The following JARID2 variants were observed in gnomAD, a reference collection of about 807,000 sequenced individuals.
JARID2 encodes the protein jumonji and AT-rich interaction domain containing 2, also known as protein Jumonji.
JARID2 carries 21 observed loss-of-function variants against 125.6 expected under a neutral mutation model. The observed-to-expected ratio is 0.17, with a 90% CI of 0.12 to 0.24. The LOEUF (loss-of-function observed/expected upper bound fraction) is 0.24. JARID2 is among the 10% of genes least tolerant of loss of function. JARID2 has a pLI of 1.00. For synonymous variants in JARID2, 736 were observed against 661.6 expected (o/e 1.11, Z -1.73); for missense variants, 1,303 against 1,639.6 (o/e 0.79, Z 3.55).
chr6:15,280,998 T>G (rs1164004325), intron 1 of JARID2, among the ~76,000 whole-genome samples: 1 of 152,180 alleles, frequency 6.6e-6, no homozygotes, highest in African/African-American at 2.4e-5. Context: ...CTTGCGTTAT[T>G]ACTAGCTAGG....
At chr6:15,421,835 T>TG (rs1338335811) in intron 3 of JARID2, among the ~76,000 whole-genome samples, 1 of 152,088 alleles carries the variant, frequency 6.6e-6, no homozygotes, top group Non-Finnish European at 1.5e-5. Context: ...TGAGCTGTAC[T>TG]GGGGGTGGGG....
At chr6:15,322,034 G>A (rs927780312) in intron 1 of JARID2, among the ~76,000 whole-genome samples, 1 of 151,892 alleles carries the variant, frequency 6.6e-6, no homozygotes, top group Non-Finnish European at 1.5e-5. Context: ...TTCGTTGTTC[G>A]CCTGCCTCCC....
chr6:15,366,510 G>A (rs1763980036), intron 1 of JARID2, among the ~76,000 whole-genome samples: 6 of 125,884 alleles, frequency 4.8e-5, no homozygotes, highest in Non-Finnish European at 3.3e-5. Flanking sequence ...GGTGGGGGGC[G>A]GGGGGGGCGG....
At chr6:15,298,559 A>T (rs1220305959) in intron 1 of JARID2, among the ~76,000 whole-genome samples, 2 of 151,964 alleles carry the variant, frequency 1.3e-5, no homozygotes, top group Non-Finnish European at 2.9e-5. Flanking sequence ...GCATGCCTCT[A>T]GTCCCAGCTA....
chr6:15,350,032 C>G lies in JARID2; in HGVS notation c.46-24085C>G, dbSNP rs550656802. Among the ~76,000 whole-genome samples, 4 of 152,206 alleles carry G rather than the reference C, an allele frequency of 2.6e-5. No homozygotes were observed. In the East Asian group the frequency reaches 7.7e-4, roughly 29 times the overall value. On this transcript the variant is annotated intron_variant, in intron 1 of 17. Transcript: ENST00000341776. The stretch of plus-strand genomic sequence containing the variant: ...ACAGAGATGGGTTGAGTGGAAGTAG[C>G]TGGGCCCACCATGTCCTGGATCTTA...
chr6:15,507,100 T>G, intron 9 of JARID2, 36 bp from the exon 10 acceptor site: 2 of 1,339,708 alleles, frequency 1.5e-6, no homozygotes, highest in South Asian at 1.2e-5. Flanking sequence ...TGCAGCACCT[T>G]AGGGGTGCTG....
At chr6:15,253,647 G>C (rs994432228) in intron 1 of JARID2, among the ~76,000 whole-genome samples, 1 of 151,890 alleles carries the variant, frequency 6.6e-6, no homozygotes, top group African/African-American at 2.4e-5. Context: ...ACCACAGTTT[G>C]TCTTGCCACA....
intron 2 of JARID2, among the ~76,000 whole-genome samples, chr6:15,387,552 C>A (rs1226324517): frequency 2.0e-5 from 3 of 152,194 alleles, no homozygotes; most frequent in South Asian, 2.1e-4. Context: ...TTCTCATGGA[C>A]CTTAGGGGTT....
intron 9 of JARID2, among the ~76,000 whole-genome samples, chr6:15,506,758 C>G (rs906819079): frequency 2.6e-5 from 4 of 152,188 alleles, no homozygotes; most frequent in African/African-American, 9.7e-5. Flanking sequence ...ATAATGTCCT[C>G]CAGGTTCATC....
rs1759180000 is a variant in JARID2 at position 15,246,233 on chromosome 6, A to G, written c.-307A>G. On this transcript the variant is annotated 5_prime_UTR_variant, in exon 1 of 18. Coordinates refer to ENST00000341776, the MANE Select transcript of JARID2 (RefSeq NM_004973.4). ...TTGGAGGAAAAAGGGGGGGGAGTGA[A>G]GGGCGTCGGTTTTTTTTTGTGTGTG... 2.1e-6 allele frequency: 1 copy of G among 465,790 alleles called. No homozygotes were observed. The highest frequency in any genetic ancestry group is 2.0e-5 in the African/African-American group (1 of 48,910). 28.9% of individuals were successfully genotyped at this position (465,790 alleles called of 1,614,324 possible).
intron 7 of JARID2, among the ~76,000 whole-genome samples, chr6:15,498,427 C>G (rs1480432899): frequency 6.6e-6 from 1 of 152,184 alleles, no homozygotes; most frequent in Admixed American, 6.5e-5. Flanking sequence ...CTGTCATCCT[C>G]TCTTCAGTCC....
chr6:15,431,521 T>C (rs1158348422), intron 3 of JARID2, among the ~76,000 whole-genome samples: 1 of 152,232 alleles, frequency 6.6e-6, no homozygotes, highest in Admixed American at 6.5e-5. Flanking sequence ...CCTTCTGTGT[T>C]GCTGTTACCA....
At chr6:15,289,932 C>T (rs1761143911) in intron 1 of JARID2, among the ~76,000 whole-genome samples, 1 of 152,226 alleles carries the variant, frequency 6.6e-6, no homozygotes, top group African/African-American at 2.4e-5. Context: ...GTACAAGTCA[C>T]TAAACCACTT....
chr6:15,476,729 C>T (rs1769358418), intron 5 of JARID2, among the ~76,000 whole-genome samples: 1 of 152,208 alleles, frequency 6.6e-6, no homozygotes, highest in Non-Finnish European at 1.5e-5. Flanking sequence ...CTTCCATATA[C>T]AGAATCTCAA....
At chr6:15,505,853 G>A (rs993127923) in intron 9 of JARID2, among the ~76,000 whole-genome samples, 8 of 152,258 alleles carry the variant, frequency 5.3e-5, no homozygotes, top group Admixed American at 2.0e-4. Flanking sequence ...TCCAGAGCAC[G>A]CGTTGCGTTT....
At chr6:15,487,931 C>T (rs1049828686) in intron 6 of JARID2, among the ~76,000 whole-genome samples, 15 of 152,048 alleles carry the variant, frequency 9.9e-5, no homozygotes, top group Non-Finnish European at 2.1e-4. Flanking sequence ...TCCTGGTCTA[C>T]TTTTCTGTTC....
intron 4 of JARID2, among the ~76,000 whole-genome samples, chr6:15,464,113 A>G (rs950332064): frequency 2.0e-5 from 3 of 152,018 alleles, no homozygotes; most frequent in Non-Finnish European, 4.4e-5. Flanking sequence ...CGCTGTGACC[A>G]TTTTTACTTT....
intron 3 of JARID2, among the ~76,000 whole-genome samples, chr6:15,433,460 A>G (rs1312688987): frequency 7.8e-6 from 1 of 128,754 alleles, no homozygotes; most frequent in Non-Finnish European, 1.7e-5. Context: ...GTATAATTTC[A>G]GTTTAGGCAG....
intron 1 of JARID2, among the ~76,000 whole-genome samples, chr6:15,296,172 G>C (rs1761405265): frequency 6.6e-6 from 1 of 152,158 alleles, no homozygotes; most frequent in Admixed American, 6.5e-5. Flanking sequence ...GCCTTGGTCA[G>C]TAACATTTTT....
Sources: gnomAD v4.1 joint callset for allele counts (sites outside exome capture counted in the v4.1 genomes callset) on GRCh38, gnomAD v4.1.1 for gene constraint, MANE v1.5 for transcripts, NCBI Gene and HGNC (gene_info 2026-07-23, HGNC 2026-07-21) for gene names.